IPCEF1: variants seen among roughly 807,000 people sequenced by gnomAD.
IPCEF1 encodes interactor protein for cytohesin exchange factors 1.
Under a neutral mutation model 50.9 loss-of-function variants are expected in IPCEF1, and 31 were observed. That is an observed-to-expected ratio of 0.61 (90% CI 0.46 to 0.82). The LOEUF (loss-of-function observed/expected upper bound fraction) is 0.82, where lower values mean the gene tolerates loss of function less well. IPCEF1 is among the 40% of genes least tolerant of loss of function. The probability of loss-of-function intolerance (pLI) is 0.00; values close to 1 mark genes in which losing one functional copy is unlikely to be tolerated. For missense variants in IPCEF1, 458 were observed against 514.0 expected, an observed-to-expected ratio of 0.89 and a Z score of 1.05; for synonymous variants, 181 against 192.0, an observed-to-expected ratio of 0.94 and a Z score of 0.47.
At chr6:154,204,881 C>T (rs1268143776) in intron 9 of IPCEF1, among the ~76,000 whole-genome samples, 1 of 152,152 alleles carries the variant, frequency 6.6e-6, no homozygotes, top group African/African-American at 2.4e-5. Flanking sequence ...CCACATGAAC[C>T]CCTAAGGACT....
chr6:154,239,962 A>G (rs755093800), intron 5 of IPCEF1, among the ~76,000 whole-genome samples: 1 of 152,240 alleles, frequency 6.6e-6, no homozygotes, highest in Non-Finnish European at 1.5e-5. Context: ...TCAGCCACCC[A>G]AAGTGCTGGG....
intron 3 of IPCEF1, among the ~76,000 whole-genome samples, chr6:154,250,646 G>A (rs1781314823): frequency 6.6e-6 from 1 of 152,178 alleles, no homozygotes; most frequent in Non-Finnish European, 1.5e-5. Flanking sequence ...TGGGGCTAAC[G>A]CCCAGGTTAC....
intron 1 of IPCEF1, among the ~76,000 whole-genome samples, chr6:154,339,101 C>T (rs1171943272): frequency 2.0e-5 from 3 of 151,976 alleles, no homozygotes; most frequent in African/African-American, 7.3e-5. Flanking sequence ...TTTAAAAACC[C>T]ACCTGTAACT....
At chr6:154,232,050 T>C (rs1410723964) in intron 5 of IPCEF1, among the ~76,000 whole-genome samples, 1 of 152,124 alleles carries the variant, frequency 6.6e-6, no homozygotes, top group Non-Finnish European at 1.5e-5. Context: ...TCTTGGTAGG[T>C]TTTTTTCCTT....
At chr6:154,283,261 A>G (rs1468448057) in intron 2 of IPCEF1, among the ~76,000 whole-genome samples, 1 of 134,400 alleles carries the variant, frequency 7.4e-6, no homozygotes, top group Non-Finnish European at 1.5e-5. Flanking sequence ...ACTGCACTCC[A>G]GCCTGGGGCA....
At chr6:154,339,920 T>C (rs796342448) in intron 1 of IPCEF1, among the ~76,000 whole-genome samples, 9 of 151,772 alleles carry the variant, frequency 5.9e-5, no homozygotes, top group African/African-American at 2.2e-4. Context: ...ATTTCAAGCA[T>C]GTTCAAGTTG....
chr6:154,191,622 C>T (rs1015110587), intron 10 of IPCEF1, among the ~76,000 whole-genome samples: 9 of 151,760 alleles, frequency 5.9e-5, no homozygotes, highest in Admixed American at 4.6e-4. Flanking sequence ...TGCAGTGAGC[C>T]GAGATCACGC....
At chr6:154,197,417 G>C (rs2128588783) in intron 10 of IPCEF1, among the ~76,000 whole-genome samples, 1 of 152,250 alleles carries the variant, frequency 6.6e-6, no homozygotes, top group East Asian at 1.9e-4. Context: ...CCCAGCAGCA[G>C]AAGAAAATCA....
At chr6:154,180,209 G>A (rs1800713684) in intron 10 of IPCEF1, among the ~76,000 whole-genome samples, 1 of 151,982 alleles carries the variant, frequency 6.6e-6, no homozygotes, top group Admixed American at 6.6e-5. Context: ...TCATAATGTT[G>A]AGTTGGTGCG....
At chr6:154,325,959 C>T (rs1424161233) in intron 1 of IPCEF1, among the ~76,000 whole-genome samples, 1 of 152,168 alleles carries the variant, frequency 6.6e-6, no homozygotes, top group African/African-American at 2.4e-5. Flanking sequence ...GGCACAGTGG[C>T]TCACGCTTGT....
intron 2 of IPCEF1, among the ~76,000 whole-genome samples, chr6:154,273,414 T>C (rs993265019): frequency 2.6e-5 from 4 of 152,218 alleles, no homozygotes; most frequent in Non-Finnish European, 5.9e-5. Context: ...GAGCATGTTC[T>C]GTTACATGAT....
intron 1 of IPCEF1, among the ~76,000 whole-genome samples, chr6:154,323,977 G>A (rs76704771): frequency 0.028 from 4,285 of 152,240 alleles, 202 homozygotes; most frequent in African/African-American, 0.096. Flanking sequence ...TACACAGAGG[G>A]AAGGTACAGA....
chr6:154,248,554 T>C (rs1781244365), intron 3 of IPCEF1, among the ~76,000 whole-genome samples: 1 of 152,178 alleles, frequency 6.6e-6, no homozygotes, highest in South Asian at 2.1e-4. Context: ...TCCTGGCTTA[T>C]AGTCTACATA....
At chr6:154,290,455 T>TA (rs1401672496) in intron 1 of IPCEF1, among the ~76,000 whole-genome samples, 2 of 152,196 alleles carry the variant, frequency 1.3e-5, no homozygotes, top group Non-Finnish European at 1.5e-5. Flanking sequence ...CTTTTCCAAG[T>TA]GTACTTTACT....
intron 3 of IPCEF1, among the ~76,000 whole-genome samples, chr6:154,254,891 A>G (rs909447668): frequency 1.3e-5 from 2 of 151,502 alleles, no homozygotes; most frequent in East Asian, 3.9e-4. Context: ...CATTCACTTC[A>G]TTTACTTTTA....
chr6:154,267,893 T>C (rs1002354399), intron 2 of IPCEF1, among the ~76,000 whole-genome samples: 4 of 152,228 alleles, frequency 2.6e-5, no homozygotes, highest in African/African-American at 9.6e-5. Context: ...GTTGTCAGGA[T>C]GTCTGTTCAG....
intron 10 of IPCEF1, among the ~76,000 whole-genome samples, chr6:154,186,224 C>G (rs1477340243): frequency 6.6e-6 from 1 of 152,248 alleles, no homozygotes; most frequent in Non-Finnish European, 1.5e-5. Flanking sequence ...ATTTCAAATT[C>G]AACTTCAAAT....
chr6:154,196,396 G>A (rs1776627141), intron 10 of IPCEF1, among the ~76,000 whole-genome samples: 1 of 152,030 alleles, frequency 6.6e-6, no homozygotes, highest in Non-Finnish European at 1.5e-5. Flanking sequence ...TAGAATGCCT[G>A]CCTCTTCTTT....
chr6:154,275,221 T>C (rs892414128), intron 2 of IPCEF1, among the ~76,000 whole-genome samples: 1 of 152,204 alleles, frequency 6.6e-6, no homozygotes, highest in Non-Finnish European at 1.5e-5. Flanking sequence ...TAAGGGATTG[T>C]GACTGAAACT....
Sources: allele counts gnomAD v4.1 joint callset (sites outside exome capture counted in the v4.1 genomes callset), GRCh38; gene constraint gnomAD v4.1.1; transcripts MANE v1.5; gene names NCBI Gene and HGNC (gene_info 2026-07-23, HGNC 2026-07-21).